The following CHMP4B variants were observed in gnomAD, a reference collection of about 807,000 sequenced individuals.
The protein encoded by CHMP4B is charged multivesicular body protein 4B, also known as SNF7 homolog associated with Alix 1.
A neutral mutation model predicts 25.1 loss-of-function variants in CHMP4B; 1 was observed. That is an observed-to-expected ratio of 0.04 (90% CI 0.01 to 0.19). The LOEUF (loss-of-function observed/expected upper bound fraction) is 0.19, where lower values mean the gene tolerates loss of function less well. Among genes scored for constraint, CHMP4B ranks in the 10% least tolerant of loss-of-function variants. CHMP4B has a pLI of 1.00. For synonymous variants in CHMP4B, 101 were observed against 115.6 expected, an observed-to-expected ratio of 0.87 and a Z score of 0.81; for missense variants, 151 against 289.7, an observed-to-expected ratio of 0.52 and a Z score of 3.48.
At position 33,835,053 on chromosome 20, in the gene CHMP4B, C is replaced by T. The variant is rs564968977; in HGVS notation, c.191-13414C>T. Among the ~76,000 whole-genome samples the T allele has an allele frequency of 1.6e-3, 243 of 152,272 alleles. 1 individual carries two copies. The highest frequency in any genetic ancestry group is 5.6e-3 in the African/African-American group (233 of 41,558). ...TCAAGGGATCCGCCCGCCTCGGCCTCCCAAAATGCTGGGATTACAAGCGTG... is the reference window on the plus strand; with the variant it reads ...TCAAGGGATCCGCCCGCCTCGGCCTTCCAAAATGCTGGGATTACAAGCGTG... On this transcript the variant is annotated intron_variant, in intron 1 of 4. Transcript: ENST00000217402.
intron 1 of CHMP4B, among the ~76,000 whole-genome samples, chr20:33,817,998 TAGTTACTTATATTTCTCTG>T (rs1218264925): frequency 6.6e-6 from 1 of 152,210 alleles, no homozygotes; most frequent in Non-Finnish European, 1.5e-5. Flanking sequence ...AGTACCTTGG[TAGTTACTTATATTTCTCTG>T]AGTCTCAATT....
intron 4 of CHMP4B, among the ~76,000 whole-genome samples, chr20:33,852,771 C>T (rs1979892335): frequency 6.6e-6 from 1 of 152,200 alleles, no homozygotes; most frequent in Non-Finnish European, 1.5e-5. Flanking sequence ...GCGCACCCTG[C>T]AAAAGCCCCG....
chr20:33,847,286 G>GT (rs11398003), intron 1 of CHMP4B, among the ~76,000 whole-genome samples: 28,605 of 147,646 alleles, frequency 0.19, 2,812 homozygotes, highest in East Asian at 0.32. Flanking sequence ...TAGATGTACT[G>GT]TTTTTTTTTT....
intron 1 of CHMP4B, among the ~76,000 whole-genome samples, chr20:33,813,929 C>T (rs888676836): frequency 6.6e-6 from 1 of 152,140 alleles, no homozygotes; most frequent in Non-Finnish European, 1.5e-5. Context: ...GATGGGGTTT[C>T]ACCATGTTGG....
At chr20:33,846,584 G>A (rs183575410) in intron 1 of CHMP4B, among the ~76,000 whole-genome samples, 1 of 152,328 alleles carries the variant, frequency 6.6e-6, no homozygotes, top group East Asian at 1.9e-4. Context: ...TGCTTTTGGA[G>A]GAGCTGTGTG....
At chr20:33,847,504 G>A (rs985201790) in intron 1 of CHMP4B, among the ~76,000 whole-genome samples, 2 of 152,172 alleles carry the variant, frequency 1.3e-5, no homozygotes, top group East Asian at 3.8e-4. Flanking sequence ...TGAGGGGAAG[G>A]AAATCTGGGT....
At chr20:33,838,203 T>C (rs1473139748) in intron 1 of CHMP4B, among the ~76,000 whole-genome samples, 1 of 152,218 alleles carries the variant, frequency 6.6e-6, no homozygotes, top group Admixed American at 6.5e-5. Context: ...TGACATCAGT[T>C]GCCTATCTTT....
intron 1 of CHMP4B, among the ~76,000 whole-genome samples, chr20:33,833,914 A>G (rs1979323250): frequency 6.6e-6 from 1 of 152,182 alleles, no homozygotes; most frequent in Non-Finnish European, 1.5e-5. Flanking sequence ...CTAGTTCCCT[A>G]GCAGGGTATC....
At chr20:33,819,912 A>G (rs889882494) in intron 1 of CHMP4B, among the ~76,000 whole-genome samples, 2 of 152,088 alleles carry the variant, frequency 1.3e-5, no homozygotes, top group Admixed American at 1.3e-4. Context: ...TCACGCCTGT[A>G]ATCCCAGCAC....
At position 33,853,724 on chromosome 20, in the gene CHMP4B, A is replaced by T; in HGVS notation, c.*164A>T. 1 of 278,824 alleles carries T rather than the reference A, an allele frequency of 3.6e-6. No individual in the cohort carries two copies. The highest frequency in any genetic ancestry group is 2.4e-5 in the South Asian group (1 of 41,474). The allele number at this position is 278,824 out of a possible 1,614,324, so 17.3% of individuals were successfully genotyped here. A position where few individuals can be genotyped will look rare whatever the true frequency, so the allele number is the denominator to read the frequency against. On this transcript the variant is annotated 3_prime_UTR_variant, in exon 5 of 5. Coordinates refer to ENST00000217402, the MANE Select transcript of CHMP4B (RefSeq NM_176812.5). Reference sequence around the variant, plus strand: ...CGTTGCTGCTCACTCTCTGCATAGCATGGTCTGCACCTGGGAGATGGGCGG... The same window carrying T: ...CGTTGCTGCTCACTCTCTGCATAGCTTGGTCTGCACCTGGGAGATGGGCGG...
chr20:33,821,800 A>ATTTTCTTTCTTTTCTTTTCT (rs1978949516), intron 1 of CHMP4B, among the ~76,000 whole-genome samples: 1 of 150,544 alleles, frequency 6.6e-6, no homozygotes, highest in Non-Finnish European at 1.5e-5. Context: ...GATTATTGCT[A>ATTTTCTTTCTTTTCTTTTCT]TTTTCTTTCT....
At chr20:33,818,407 G>A (rs1053661653) in intron 1 of CHMP4B, among the ~76,000 whole-genome samples, 3 of 152,238 alleles carry the variant, frequency 2.0e-5, no homozygotes, top group Non-Finnish European at 4.4e-5. Flanking sequence ...TCCCTCTGTG[G>A]CATTCCTGCC....
intron 1 of CHMP4B, among the ~76,000 whole-genome samples, chr20:33,835,024 G>A (rs1979353138): frequency 6.6e-6 from 1 of 152,134 alleles, no homozygotes; most frequent in Non-Finnish European, 1.5e-5. Flanking sequence ...TTGAACTCCT[G>A]ACCTCAAGGG....
chr20:33,822,325 G>C (rs934604973), intron 1 of CHMP4B, among the ~76,000 whole-genome samples: 2 of 151,520 alleles, frequency 1.3e-5, no homozygotes, highest in Non-Finnish European at 2.9e-5. Flanking sequence ...TGTATTTTTA[G>C]TAGAGATGGG....
intron 1 of CHMP4B, among the ~76,000 whole-genome samples, chr20:33,844,451 G>A (rs1044418255): frequency 2.0e-5 from 3 of 152,164 alleles, no homozygotes; most frequent in Non-Finnish European, 4.4e-5. Context: ...CATTCGGGGT[G>A]GGGATGGGCT....
At chr20:33,816,121 A>C (rs1197729644) in intron 1 of CHMP4B, among the ~76,000 whole-genome samples, 1 of 152,168 alleles carries the variant, frequency 6.6e-6, no homozygotes, top group African/African-American at 2.4e-5. Flanking sequence ...AGGAGCCTAG[A>C]GCAAAATTTG....
intron 1 of CHMP4B, among the ~76,000 whole-genome samples, chr20:33,832,947 TA>T (rs570975841): frequency 8.6e-6 from 1 of 115,902 alleles, no homozygotes; most frequent in Non-Finnish European, 1.9e-5. Flanking sequence ...CCTGGCTAAT[TA>T]AAAAAAAATT....
At chr20:33,848,791 C>T (rs1979759119) in intron 2 of CHMP4B, 147 bp downstream of exon 2, 7 of 813,316 alleles carry the variant, frequency 8.6e-6, no homozygotes, top group South Asian at 1.6e-5. Flanking sequence ...TTTGGAACTC[C>T]GAAAATGGAT....
chr20:33,849,837 C>A (rs1465238004), intron 2 of CHMP4B, among the ~76,000 whole-genome samples: 1 of 152,112 alleles, frequency 6.6e-6, no homozygotes, highest in Non-Finnish European at 1.5e-5. Flanking sequence ...ATGCTGTGGC[C>A]CAATCCTAGC....
Sources: allele counts gnomAD v4.1 joint callset (sites outside exome capture counted in the v4.1 genomes callset), GRCh38; gene constraint gnomAD v4.1.1; transcripts MANE v1.5; gene names NCBI Gene and HGNC (gene_info 2026-07-23, HGNC 2026-07-21).